The following CCDC30 variants were observed in gnomAD, a reference collection of about 807,000 sequenced individuals.
The protein encoded by CCDC30 is coiled-coil domain-containing protein 30.
A neutral mutation model predicts 100.2 loss-of-function variants in CCDC30; 70 were observed. The ratio of observed to expected loss-of-function variants is 0.70; its 90% CI spans 0.58 to 0.85. The LOEUF is 0.85. Ranked by LOEUF, CCDC30 falls within the 40% of genes least tolerant of loss-of-function variation. CCDC30 has a pLI of 0.00. For synonymous variants in CCDC30, 233 were observed against 269.5 expected, an observed-to-expected ratio of 0.86 and a Z score of 1.33; for missense variants, 652 against 771.2, an observed-to-expected ratio of 0.85 and a Z score of 1.83.
At chr1:42,642,039 C>A (rs1330993826) in intron 12 of CCDC30, among the ~76,000 whole-genome samples, 3 of 152,028 alleles carry the variant, frequency 2.0e-5, no homozygotes, top group African/African-American at 4.8e-5. Context: ...TCCTGGCTAA[C>A]ACGGTGAAAC....
intron 6 of CCDC30, among the ~76,000 whole-genome samples, chr1:42,507,719 C>A (rs1283270079): frequency 6.6e-6 from 1 of 151,196 alleles, no homozygotes. Flanking sequence ...CAGAGAAAAT[C>A]ACTTACTTTT....
At chr1:42,491,191 T>G (rs962792343) in intron 4 of CCDC30, among the ~76,000 whole-genome samples, 8 of 152,184 alleles carry the variant, frequency 5.3e-5, no homozygotes, top group African/African-American at 1.9e-4. Flanking sequence ...AGTAAGGATA[T>G]AAAAGTCCTA....
intron 10 of CCDC30, among the ~76,000 whole-genome samples, chr1:42,603,117 T>C (rs922695485): frequency 6.6e-6 from 1 of 152,220 alleles, no homozygotes; most frequent in Non-Finnish European, 1.5e-5. Flanking sequence ...AGAAATTTAT[T>C]TCTTCCAGTC....
At chr1:42,460,796 T>A (rs929681873), upstream of CCDC30, among the ~76,000 whole-genome samples, 1 of 152,236 alleles carries the variant, frequency 6.6e-6, no homozygotes, top group African/African-American at 2.4e-5. Context: ...TGCAAAGTAA[T>A]GCCATTTATT....
chr1:42,481,383 C>T (rs1016323148), intron 2 of CCDC30, among the ~76,000 whole-genome samples: 2 of 151,898 alleles, frequency 1.3e-5, no homozygotes, highest in Admixed American at 6.6e-5. Context: ...CAAGACCTGC[C>T]TGGCCAACAT....
At chr1:42,547,674 G>A (rs1381167612) in intron 6 of CCDC30, among the ~76,000 whole-genome samples, 1 of 152,106 alleles carries the variant, frequency 6.6e-6, no homozygotes, top group Non-Finnish European at 1.5e-5. Flanking sequence ...CTAGGTATCT[G>A]CCATCTGCCT....
At chr1:42,602,726 A>G (rs1239092163) in intron 10 of CCDC30, among the ~76,000 whole-genome samples, 1 of 152,250 alleles carries the variant, frequency 6.6e-6, no homozygotes, top group East Asian at 1.9e-4. Flanking sequence ...AGAATAGATT[A>G]TATCAATTCT....
chr1:42,546,402 ATATATATATATATATAT>A (rs1557843027), intron 6 of CCDC30, among the ~76,000 whole-genome samples: 6,910 of 25,742 alleles, frequency 0.27, 1,028 homozygotes, highest in East Asian at 0.44. Context: ...AAAAAAAAAT[ATATATATATATATATAT>A]ATATATATAT....
At chr1:42,496,407 T>C (rs1221476154) in intron 4 of CCDC30, among the ~76,000 whole-genome samples, 1 of 152,110 alleles carries the variant, frequency 6.6e-6, no homozygotes, top group East Asian at 1.9e-4. Context: ...TGAGGGTACA[T>C]GCTTAACCAG....
At chr1:42,633,961 G>A (rs999830322) in intron 11 of CCDC30, among the ~76,000 whole-genome samples, 1 of 152,038 alleles carries the variant, frequency 6.6e-6, no homozygotes, top group Non-Finnish European at 1.5e-5. Context: ...GAGGTGCTGA[G>A]TAAAAGGGGA....
chr1:42,619,804 C>T (rs930745746), intron 11 of CCDC30, among the ~76,000 whole-genome samples: 1 of 152,192 alleles, frequency 6.6e-6, no homozygotes, highest in Non-Finnish European at 1.5e-5. Context: ...GCCCCCCATC[C>T]ACCTGCTCCC....
At chr1:42,524,725 C>T (rs1384451074) in intron 6 of CCDC30, among the ~76,000 whole-genome samples, 1 of 152,218 alleles carries the variant, frequency 6.6e-6, no homozygotes, top group East Asian at 1.9e-4. Context: ...ATGGCTGCTG[C>T]AGGGCTAAGA....
In CCDC30 at chr1:42,530,565, C is replaced by T. The variant is rs149231138; in HGVS notation, c.456+31649C>T. Among the ~76,000 whole-genome samples the T allele has an allele frequency of 1.7e-3, 260 of 152,168 alleles. 1 individual carries two copies. Among genetic ancestry groups the T allele is most frequent in the Admixed American group, 0.016 (250 of 15,272 alleles). On this transcript the variant is annotated intron_variant, in intron 6 of 16. Transcript: ENST00000668663. ...TGGCCATGGTAGCTCACTCCCAGCA[C>T]TTTGGGAGGCTGAGGTAGGAGGATT... is the stretch of plus-strand genomic sequence containing the variant.
intron 10 of CCDC30, among the ~76,000 whole-genome samples, chr1:42,604,963 A>C (rs1318286779): frequency 6.6e-6 from 1 of 152,184 alleles, no homozygotes; most frequent in Non-Finnish European, 1.5e-5. Context: ...TCTTTGTTTG[A>C]AAATACATTT....
chr1:42,597,862 CT>C (rs1308794095), intron 10 of CCDC30, among the ~76,000 whole-genome samples: 1 of 140,226 alleles, frequency 7.1e-6, no homozygotes, highest in Non-Finnish European at 1.5e-5. Flanking sequence ...AAGAATCTGC[CT>C]TAAAAAAAAA....
At chr1:42,529,108 CA>C (rs1351878158) in intron 6 of CCDC30, among the ~76,000 whole-genome samples, 1 of 152,128 alleles carries the variant, frequency 6.6e-6, no homozygotes, top group African/African-American at 2.4e-5. Context: ...CCACATAAAG[CA>C]AGCTGGATTG....
At chr1:42,516,111 G>A (rs897563856) in intron 6 of CCDC30, among the ~76,000 whole-genome samples, 3 of 152,100 alleles carry the variant, frequency 2.0e-5, no homozygotes, top group Admixed American at 2.0e-4. Context: ...TTTTCTTGAG[G>A]AACTGTCATA....
chr1:42,563,383 A>T (rs1252741646), intron 6 of CCDC30, among the ~76,000 whole-genome samples: 3 of 151,688 alleles, frequency 2.0e-5, no homozygotes, highest in African/African-American at 7.3e-5. Flanking sequence ...ATGTTCTCTC[A>T]CTCATAAGTG....
At chr1:42,550,723 G>T (rs1472985612) in intron 6 of CCDC30, among the ~76,000 whole-genome samples, 1 of 152,142 alleles carries the variant, frequency 6.6e-6, no homozygotes, top group African/African-American at 2.4e-5. Flanking sequence ...TATCTTATTT[G>T]TTTGTGTGTT....
Sources: gnomAD v4.1 joint callset for allele counts (sites outside exome capture counted in the v4.1 genomes callset) on GRCh38, gnomAD v4.1.1 for gene constraint, MANE v1.5 for transcripts, NCBI Gene and HGNC (gene_info 2026-07-23, HGNC 2026-07-21) for gene names.